The following PARP8 variants were observed in gnomAD, a reference collection of about 807,000 sequenced individuals.
PARP8 encodes protein mono-ADP-ribosyltransferase PARP8.
A neutral mutation model predicts 124.1 loss-of-function variants in PARP8; 51 were observed. That is an observed-to-expected ratio of 0.41 (90% CI 0.33 to 0.52). The LOEUF (loss-of-function observed/expected upper bound fraction) is 0.52. PARP8 is among the 20% of genes least tolerant of loss of function. The pLI, the probability that PARP8 is intolerant of heterozygous loss-of-function variation, is 0.21. For synonymous variants in PARP8, 391 were observed against 361.5 expected, an observed-to-expected ratio of 1.08 and a Z score of -0.93; for missense variants, 860 against 1,018.9, an observed-to-expected ratio of 0.84 and a Z score of 2.12.
intron 14 of PARP8, among the ~76,000 whole-genome samples, chr5:50,800,427 A>G (rs1478607935): frequency 6.6e-6 from 1 of 152,074 alleles, no homozygotes; most frequent in Non-Finnish European, 1.5e-5. Context: ...ACTTTTCCTT[A>G]TCTAATGTGC....
intron 3 of PARP8, among the ~76,000 whole-genome samples, chr5:50,751,342 A>G (rs1333253183): frequency 6.6e-6 from 1 of 152,146 alleles, no homozygotes; most frequent in Non-Finnish European, 1.5e-5. Context: ...ATTGATTATC[A>G]TTTGTGCTCT....
At chr5:50,828,183 A>C in intron 20 of PARP8, 127 bp downstream of exon 20, 2 of 1,118,610 alleles carry the variant, frequency 1.8e-6, no homozygotes, top group East Asian at 4.7e-5. Context: ...ATGGTCATGT[A>C]GTCAACTACA....
intron 2 of PARP8, among the ~76,000 whole-genome samples, chr5:50,731,169 G>A (rs1414776855): frequency 6.6e-6 from 1 of 152,186 alleles, no homozygotes; most frequent in Non-Finnish European, 1.5e-5. Context: ...TGTAAAATAA[G>A]GGATGTGCAA....
chr5:50,667,953 C>G (rs1158200624), intron 1 of PARP8, 118 bp from the exon 2 acceptor site: 1 of 1,590,732 alleles, frequency 6.3e-7, no homozygotes, highest in Non-Finnish European at 8.5e-7. Flanking sequence ...GCCCTCTAGC[C>G]CTTGCCTTCT....
chr5:50,761,961 G>A (rs1307417478), intron 6 of PARP8, 63 bp downstream of exon 6: 2 of 1,060,952 alleles, frequency 1.9e-6, no homozygotes, highest in African/African-American at 3.1e-5. Context: ...TTGTCCTAGT[G>A]GTAATCTGTG....
chr5:50,840,213 C>T (rs529491643), intron 25 of PARP8, among the ~76,000 whole-genome samples: 9 of 151,812 alleles, frequency 5.9e-5, no homozygotes, highest in Non-Finnish European at 1.2e-4. Context: ...CTGTTTGATT[C>T]GATTCGATTC....
intron 1 of PARP8, chr5:50,667,554 C>T (rs928210056): frequency 1.4e-6 from 1 of 697,450 alleles, no homozygotes; most frequent in Non-Finnish European, 2.6e-6. Flanking sequence ...GCGCAATGGG[C>T]TGAGCGGCGG....
At chr5:50,696,712 T>G (rs982773332) in intron 2 of PARP8, among the ~76,000 whole-genome samples, 1 of 152,190 alleles carries the variant, frequency 6.6e-6, no homozygotes, top group East Asian at 1.9e-4. Context: ...TCTGTTTGTT[T>G]CACGCCATCC....
chr5:50,816,283 A>C (rs1745095377), intron 15 of PARP8, among the ~76,000 whole-genome samples: 1 of 152,192 alleles, frequency 6.6e-6, no homozygotes. Context: ...TAAGGGAAGT[A>C]GAAACAAATG....
At chr5:50,711,829 A>G (rs1404567164) in intron 2 of PARP8, among the ~76,000 whole-genome samples, 1 of 152,094 alleles carries the variant, frequency 6.6e-6, no homozygotes, top group East Asian at 1.9e-4. Flanking sequence ...TCACTGCTTT[A>G]CCTTTTATTT....
In PARP8 at chr5:50,743,686, G is replaced by A. The variant is rs1758269650; in HGVS notation, c.147-6465G>A. On this transcript the variant is annotated intron_variant, in intron 2 of 25. Transcript: ENST00000281631. The stretch of plus-strand genomic sequence containing the variant: ...TCAAATCTGTAATCCCAGAGGTTTG[G>A]GAGGCTTGAGGCCATTGCATTCCAG... Among the ~76,000 whole-genome samples the A allele has an allele frequency of 2.0e-5, 3 of 151,838 alleles. No homozygotes were observed. The South Asian group carries it at 6.2e-4, about 32-fold the overall frequency.
chr5:50,762,048 A>C, intron 6 of PARP8, 150 bp downstream of exon 6: 1 of 428,308 alleles, frequency 2.3e-6, no homozygotes, highest in African/African-American at 2.1e-5. Flanking sequence ...ATCTTTGCAC[A>C]TTTTCTACCT....
intron 2 of PARP8, among the ~76,000 whole-genome samples, chr5:50,672,905 G>A (rs1477317318): frequency 3.3e-5 from 5 of 152,100 alleles, no homozygotes; most frequent in Non-Finnish European, 7.4e-5. Flanking sequence ...AAAAAGGTTT[G>A]TCAATTTTCA....
chr5:50,765,854 A>G (rs1396480875), intron 7 of PARP8, among the ~76,000 whole-genome samples: 5 of 152,228 alleles, frequency 3.3e-5, no homozygotes, highest in Admixed American at 1.3e-4. Context: ...TCTTCCTTGC[A>G]AAGTTCTAAG....
intron 17 of PARP8, 121 bp downstream of exon 17, chr5:50,822,521 T>TGTTTTA: frequency 2.8e-6 from 2 of 723,526 alleles, no homozygotes; most frequent in Non-Finnish European, 4.7e-6. Context: ...GGTATTAAGA[T>TGTTTTA]GTTTTAATTA....
At chr5:50,829,848 A>G in intron 21 of PARP8, 44 bp from the exon 22 acceptor site, 1 of 1,543,350 alleles carries the variant, frequency 6.5e-7, no homozygotes, top group Non-Finnish European at 8.8e-7. Flanking sequence ...TATCATTTAA[A>G]CCATGAACAG....
At chr5:50,671,584 CTGT>C (rs1750023548) in intron 2 of PARP8, among the ~76,000 whole-genome samples, 1 of 151,792 alleles carries the variant, frequency 6.6e-6, no homozygotes, top group Non-Finnish European at 1.5e-5. Context: ...CTTCTGTCTT[CTGT>C]TAACATATTA....
At chr5:50,813,532 C>T (rs1744725632) in intron 14 of PARP8, among the ~76,000 whole-genome samples, 1 of 152,180 alleles carries the variant, frequency 6.6e-6, no homozygotes, top group African/African-American at 2.4e-5. Flanking sequence ...ACCATGTCAT[C>T]TGCAAACAGG....
intron 14 of PARP8, among the ~76,000 whole-genome samples, chr5:50,813,741 C>T (rs1410633066): frequency 1.3e-5 from 2 of 152,120 alleles, no homozygotes; most frequent in South Asian, 4.1e-4. Flanking sequence ...TCATAAATAG[C>T]TCTTATTATT....
Sources: allele counts gnomAD v4.1 joint callset (sites outside exome capture counted in the v4.1 genomes callset), GRCh38; gene constraint gnomAD v4.1.1; transcripts MANE v1.5; gene names NCBI Gene and HGNC (gene_info 2026-07-23, HGNC 2026-07-21).